CFAP77: variants seen among roughly 807,000 people sequenced by gnomAD.
CFAP77 encodes cilia- and flagella-associated protein 77.
Under a neutral mutation model 31.1 loss-of-function variants are expected in CFAP77, and 25 were observed. That is an observed-to-expected ratio of 0.80 (90% CI 0.59 to 1.12). The LOEUF (loss-of-function observed/expected upper bound fraction) is 1.12, where lower values mean the gene tolerates loss of function less well. CFAP77 is among the 50% of genes most tolerant of loss of function. CFAP77 has a pLI of 0.00. For synonymous variants in CFAP77, 151 were observed against 159.9 expected, an observed-to-expected ratio of 0.94 and a Z score of 0.42; for missense variants, 377 against 397.3, an observed-to-expected ratio of 0.95 and a Z score of 0.44.
intron 3 of CFAP77, among the ~76,000 whole-genome samples, chr9:132,500,758 G>A (rs1230741131): frequency 6.6e-6 from 1 of 152,148 alleles, no homozygotes; most frequent in Non-Finnish European, 1.5e-5. Flanking sequence ...TGACTGGCAC[G>A]CATGTCCCAA....
chr9:132,524,421 G>A (rs984675396), intron 3 of CFAP77, among the ~76,000 whole-genome samples: 2 of 151,298 alleles, frequency 1.3e-5, no homozygotes, highest in Non-Finnish European at 2.9e-5. Flanking sequence ...CCAACATGGC[G>A]AAACCCTGTC....
chr9:132,423,635 G>T (rs747738953), intron 1 of CFAP77, among the ~76,000 whole-genome samples: 6 of 152,196 alleles, frequency 3.9e-5, no homozygotes, highest in East Asian at 3.8e-4. Flanking sequence ...GGTCGTAACC[G>T]CTGTGCAGAT....
rs530953268 is a variant in CFAP77, at chr9:132,414,664, C to A, written c.195+4198C>A. On this transcript the variant is annotated intron_variant, in intron 1 of 5. Coordinates refer to ENST00000393216, the MANE Select transcript of CFAP77 (RefSeq NM_001282957.2). ...GGGAGTTCTGGGCAGGTCTCAGGGA[C>A]CTGGAACCAGACCTTGAAAAGTGAA... Among the ~76,000 whole-genome samples, 20 of 152,246 alleles carry A rather than the reference C, an allele frequency of 1.3e-4. 1 individual carries two copies. In the South Asian group the frequency reaches 4.1e-3, roughly 32 times the overall value.
In CFAP77 at chr9:132,495,276, C is replaced by T. The variant is rs1245512370; in HGVS notation, c.196-3419C>T. On this transcript the variant is annotated intron_variant, in intron 1 of 5. Coordinates refer to ENST00000393216, the MANE Select transcript of CFAP77 (RefSeq NM_001282957.2). This position sits in a 1 kb window ranked among gnomAD's most constrained non-coding sequence, Gnocchi z 4.2. ...TAAAAAGCAGAGATTGAGGCACACA[C>T]CTGCTCCTTGCTCCCTGCCTGAGGG... Among the ~76,000 whole-genome samples, 1 of 152,124 alleles carries T rather than the reference C, an allele frequency of 6.6e-6. No individual in the cohort carries two copies. Among genetic ancestry groups the T allele is most frequent in the Non-Finnish European group, 1.5e-5 (1 of 68,032 alleles).
At position 132,444,105 on chromosome 9, in the gene CFAP77, T is replaced by C. The variant is rs563103289; in HGVS notation, c.195+33639T>C. 4.6e-5 allele frequency among the ~76,000 whole-genome samples: 7 copies of C among 152,352 alleles called. No individual in the cohort carries two copies. The East Asian group carries it at 5.8e-4, about 13-fold the overall frequency. ...GGTGAAGGCTCCACCTCGTCCTTCA[T>C]TGGATTCTGAGAACACCCTTTCCTC... On this transcript the variant is annotated intron_variant, in intron 1 of 5. Transcript: ENST00000393216.
intron 3 of CFAP77, among the ~76,000 whole-genome samples, chr9:132,503,740 C>G (rs537499473): frequency 3.0e-4 from 45 of 152,242 alleles, no homozygotes; most frequent in African/African-American, 1.1e-3. Flanking sequence ...GATTCTCAAC[C>G]CTTAGTATGT....
chr9:132,487,240 G>T (rs1366237892), intron 1 of CFAP77, among the ~76,000 whole-genome samples: 23 of 152,190 alleles, frequency 1.5e-4, no homozygotes, highest in Admixed American at 1.5e-3. Context: ...GACCAGATGA[G>T]GTGAGGGACT....
chr9:132,489,269 T>G (rs1851615191), intron 1 of CFAP77, among the ~76,000 whole-genome samples: 1 of 152,198 alleles, frequency 6.6e-6, no homozygotes, highest in African/African-American at 2.4e-5. Flanking sequence ...TTTTGAGGGC[T>G]GAAAGGGGTC....
At position 132,554,943 on chromosome 9, in the gene CFAP77, TCC is replaced by T. The variant is rs1852875868; in HGVS notation, c.732+11897_732+11898del. Among the ~76,000 whole-genome samples the T allele has an allele frequency of 1.6e-5, 1 of 63,504 alleles. No homozygotes were observed. The highest frequency in any genetic ancestry group is 3.0e-4 in the East Asian group (1 of 3,346). 41.7% of individuals were successfully genotyped at this position (63,504 alleles called of 152,430 possible). A position where few individuals can be genotyped will look rare whatever the true frequency, so the allele number is the denominator to read the frequency against. ...ATGCATGCATCCATCCATCCACCCA[TCC>T]ATCCATCCATCCATCCATCCATCCA... On this transcript the variant is annotated intron_variant, in intron 5 of 5. Transcript: ENST00000393216. The surrounding 1 kb of genome is among the most constrained non-coding windows in gnomAD (Gnocchi z 4.1).
chr9:132,466,384 A>T (rs1851151039), intron 1 of CFAP77, among the ~76,000 whole-genome samples: 1 of 152,170 alleles, frequency 6.6e-6, no homozygotes, highest in South Asian at 2.1e-4. Flanking sequence ...AGTTAGCAGG[A>T]TTGTGTCTCC....
At chr9:132,522,808 C>G (rs1022545156) in intron 3 of CFAP77, among the ~76,000 whole-genome samples, 2 of 152,316 alleles carry the variant, frequency 1.3e-5, no homozygotes, top group South Asian at 2.1e-4. Context: ...GAGTTCTGAT[C>G]TGATGTTCGG....
At chr9:132,556,902 T>G (rs1280318161) in intron 5 of CFAP77, among the ~76,000 whole-genome samples, 1 of 152,096 alleles carries the variant, frequency 6.6e-6, no homozygotes, top group African/African-American at 2.4e-5. Flanking sequence ...CGCAAATTAC[T>G]GACACAAAAC....
chr9:132,555,834 G>T (rs1852895870), intron 5 of CFAP77, among the ~76,000 whole-genome samples: 1 of 152,050 alleles, frequency 6.6e-6, no homozygotes, highest in Admixed American at 6.6e-5. Context: ...GTGAGATGGG[G>T]GTGAGATTAA....
rs1312753613 is a variant in CFAP77, at chr9:132,480,690, C to T, written c.196-18005C>T. Reference sequence around the variant, plus strand: ...CTGTGGCTGGGGTTTCTCACGGAGGCTACAGAGTCCGGGGGCTTCTCCAAG... The same window carrying T: ...CTGTGGCTGGGGTTTCTCACGGAGGTTACAGAGTCCGGGGGCTTCTCCAAG... On this transcript the variant is annotated intron_variant, in intron 1 of 5. Coordinates refer to ENST00000393216, the MANE Select transcript of CFAP77 (RefSeq NM_001282957.2). This position sits in a 1 kb window ranked among gnomAD's most constrained non-coding sequence, Gnocchi z 5.8. 3.3e-5 allele frequency among the ~76,000 whole-genome samples: 5 copies of T among 152,192 alleles called. No homozygotes were observed. The highest frequency in any genetic ancestry group is 1.2e-4 in the African/African-American group (5 of 41,464).
At chr9:132,419,579 C>T (rs1047409138) in intron 1 of CFAP77, among the ~76,000 whole-genome samples, 3 of 152,146 alleles carry the variant, frequency 2.0e-5, no homozygotes, top group South Asian at 4.1e-4. Flanking sequence ...TGAATTTGGC[C>T]GTGTCACCAC....
intron 5 of CFAP77, among the ~76,000 whole-genome samples, chr9:132,571,552 A>G (rs925492719): frequency 2.0e-5 from 3 of 152,162 alleles, no homozygotes; most frequent in African/African-American, 7.2e-5. Context: ...CACATCTGAC[A>G]CAGAGTTGTG....
chr9:132,543,471 G>A (rs1001220087), intron 5 of CFAP77, among the ~76,000 whole-genome samples: 9 of 152,000 alleles, frequency 5.9e-5, no homozygotes, highest in African/African-American at 9.7e-5. Flanking sequence ...AGGGCTGTCC[G>A]TCCGCCTTGA....
Position 132,498,848 on chromosome 9 carries a change from C to A in CFAP77, c.295+54C>A. ...CAGAGGAGTGGGAGGGAGGCTCACC[C>A]CTCTTCACAGACCCCTTGACCTAGC... On this transcript the variant is annotated intron_variant, in intron 2 of 5. Transcript: ENST00000393216. This position sits in a 1 kb window ranked among gnomAD's most constrained non-coding sequence, Gnocchi z 4.2. 1 of 1,312,950 alleles carries A rather than the reference C, an allele frequency of 7.6e-7. No individual in the cohort carries two copies. Among genetic ancestry groups the A allele is most frequent in the Non-Finnish European group, 1.1e-6 (1 of 926,462 alleles). 81.3% of individuals were successfully genotyped at this position (1,312,950 alleles called of 1,614,324 possible).
intron 3 of CFAP77, among the ~76,000 whole-genome samples, chr9:132,507,830 C>G (rs1851958971): frequency 6.6e-6 from 1 of 152,196 alleles, no homozygotes; most frequent in Non-Finnish European, 1.5e-5. Context: ...GAAACCTGGT[C>G]TGACCACAAG....
Sources: gnomAD v4.1 joint callset for allele counts (sites outside exome capture counted in the v4.1 genomes callset) on GRCh38, gnomAD v4.1.1 for gene constraint, Gnocchi (gnomAD v3.1) non-coding constraint, MANE v1.5 for transcripts, NCBI Gene and HGNC (gene_info 2026-07-23, HGNC 2026-07-21) for gene names.